Variants in CELF2 observed in about 807,000 individuals in gnomAD.
CELF2 encodes the protein CUGBP Elav-like family member 2.
In CELF2, 8 loss-of-function variants were observed where a neutral mutation model predicts 62.6. The observed-to-expected ratio is 0.13, with a 90% CI of 0.07 to 0.23. CELF2 has a LOEUF of 0.23. CELF2 is among the 10% of genes least tolerant of loss of function. The pLI is 1.00. For missense variants in CELF2, 333 were observed against 671.0 expected (o/e 0.50, Z 5.56); for synonymous variants, 258 against 250.0 (o/e 1.03, Z -0.30).
the CELF2 span, among the ~76,000 whole-genome samples, chr10:10,547,692 A>AGAGAGAGTGTGTGTGT: frequency 3.1e-4 from 43 of 138,110 alleles, no homozygotes; most frequent in South Asian, 2.5e-4. Context: ...AGAGAGAGAG[A>AGAGAGAGTGTGTGTGT]GTGTGTGTGT....
chr10:10,908,214 A>ATCTT (rs1055620339), intron 1 of CELF2, among the ~76,000 whole-genome samples: 7 of 83,734 alleles, frequency 8.4e-5, no homozygotes, highest in African/African-American at 3.4e-4. Context: ...GTATGAGGGG[A>ATCTT]TTTTTTTTTT....
intron 1 of CELF2, among the ~76,000 whole-genome samples, chr10:11,061,098 C>T (rs756578057): frequency 1.8e-4 from 27 of 152,186 alleles, no homozygotes; most frequent in African/African-American, 4.8e-4. Flanking sequence ...AGCTGAGAAA[C>T]GCTGAAAGCT....
chr10:10,623,383 G>A, the CELF2 span, among the ~76,000 whole-genome samples: 1 of 152,136 alleles, frequency 6.6e-6, no homozygotes, highest in Non-Finnish European at 1.5e-5. Flanking sequence ...AATTTACTCC[G>A]AATTACCTCT....
chr10:10,503,874 A>G, the CELF2 span, among the ~76,000 whole-genome samples: 27 of 152,078 alleles, frequency 1.8e-4, no homozygotes, highest in African/African-American at 5.8e-4. Flanking sequence ...GTTTATCTAT[A>G]GCATTTTCAA....
chr10:11,058,461 G>GTTTTTTTTTTTTTTTTTTTTT (rs67113152), intron 1 of CELF2, among the ~76,000 whole-genome samples: 1 of 116,806 alleles, frequency 8.6e-6, no homozygotes, highest in African/African-American at 3.2e-5. Context: ...TTTTTTGTTG[G>GTTTTTTTTTTTTTTTTTTTTT]TTTTTTTTTT....
At chr10:10,770,352 A>G in the CELF2 span, among the ~76,000 whole-genome samples, 2 of 151,982 alleles carry the variant, frequency 1.3e-5, no homozygotes, top group African/African-American at 4.8e-5. Flanking sequence ...TCAATCAATC[A>G]AACAGCCAGC....
chr10:10,764,908 C>A, the CELF2 span, among the ~76,000 whole-genome samples: 1 of 152,192 alleles, frequency 6.6e-6, no homozygotes, highest in Non-Finnish European at 1.5e-5. Flanking sequence ...CTGCCTTGGC[C>A]AGGCTCCCCA....
chr10:11,305,464 G>A lies in CELF2; in HGVS notation c.977-8675G>A, dbSNP rs1412890176. Among the ~76,000 whole-genome samples, 4 of 152,228 alleles carry A rather than the reference G, an allele frequency of 2.6e-5. No individual in the cohort carries two copies. In the East Asian group the frequency reaches 5.8e-4, roughly 22 times the overall value. ...TCTTTCAAGCGCAGGAAAGACTCCA[G>A]TCTAGTTCACAGTTTGCCTGGGAGG... On this transcript the variant is annotated intron_variant, in intron 9 of 12. Transcript: ENST00000633077. This position sits in a 1 kb window ranked among gnomAD's most constrained non-coding sequence, Gnocchi z 4.8.
the CELF2 span, among the ~76,000 whole-genome samples, chr10:10,463,519 A>G: frequency 6.6e-6 from 1 of 152,210 alleles, no homozygotes; most frequent in African/African-American, 2.4e-5. Context: ...CATGTGAAAA[A>G]TGCAACTCTG....
rs1020632872 is a variant in CELF2, at chr10:11,280,767, G to GTGCCCTCAC, written c.841+5655_841+5663dup. On this transcript the variant is annotated intron_variant, in intron 8 of 12. Transcript: ENST00000633077. This position sits in a 1 kb window ranked among gnomAD's most constrained non-coding sequence, Gnocchi z 7.6. The stretch of plus-strand genomic sequence containing the variant: ...GAGGCCGCTCTGGGTGGGGGAAACG[G>GTGCCCTCAC]TGCCCTCACTGCCCTCCAGCCTCAG... Among the ~76,000 whole-genome samples the GTGCCCTCAC allele has an allele frequency of 3.9e-5, 6 of 152,142 alleles. No individual in the cohort carries two copies. Among genetic ancestry groups the GTGCCCTCAC allele is most frequent in the Non-Finnish European group, 8.8e-5 (6 of 68,022 alleles).
chr10:10,817,978 G>A lies in CELF2; in HGVS notation c.53+19161G>A, dbSNP rs537801344. 3.9e-5 allele frequency among the ~76,000 whole-genome samples: 6 copies of A among 152,258 alleles called. No individual in the cohort carries two copies. In the East Asian group the frequency reaches 1.2e-3, roughly 29 times the overall value. ...GACCTTAGGTAAGTATTGAATCTCT[G>A]AGGTAGCCGACCTTACAAAGCACCT... On this transcript the variant is annotated intron_variant, in intron 1 of 13. Coordinates refer to the CELF2 transcript ENST00000636488.
Position 11,083,093 on chromosome 10 carries a change from G to A in CELF2, c.74+64930G>A, listed in dbSNP as rs188045291. 1.2e-3 allele frequency among the ~76,000 whole-genome samples: 186 copies of A among 152,336 alleles called. 1 individual carries two copies. The highest frequency in any genetic ancestry group is 4.3e-3 in the African/African-American group (177 of 41,568). The stretch of plus-strand genomic sequence containing the variant: ...CCTGGGTCCCATCCCAGGACACAGT[G>A]CATCCTTCGGTTGTGATTGTTATCT... On this transcript the variant is annotated intron_variant, in intron 1 of 12. Transcript: ENST00000633077.
intron 1 of CELF2, among the ~76,000 whole-genome samples, chr10:11,073,100 A>C (rs2070680744): frequency 6.6e-6 from 1 of 152,160 alleles, no homozygotes; most frequent in Non-Finnish European, 1.5e-5. Context: ...ATTATACCAA[A>C]ATATTAACAT....
At chr10:11,312,706 C>T (rs764908202) in intron 9 of CELF2, among the ~76,000 whole-genome samples, 6 of 152,260 alleles carry the variant, frequency 3.9e-5, no homozygotes, top group South Asian at 2.1e-4. Flanking sequence ...GAGGCCGAGG[C>T]GGGCGGATCA....
chr10:11,066,570 T>TC (rs1270683100), intron 1 of CELF2, among the ~76,000 whole-genome samples: 1 of 152,090 alleles, frequency 6.6e-6, no homozygotes, highest in Admixed American at 6.5e-5. Context: ...CCCTAAGATT[T>TC]CCCCAGACCC....
At chr10:11,035,670 A>C (rs1195502924) in intron 1 of CELF2, among the ~76,000 whole-genome samples, 2 of 152,186 alleles carry the variant, frequency 1.3e-5, no homozygotes, top group African/African-American at 4.8e-5. Context: ...ACCGTGCTGG[A>C]ATTTCAGAGG....
At chr10:10,554,661 C>A in the CELF2 span, among the ~76,000 whole-genome samples, 71 of 152,210 alleles carry the variant, frequency 4.7e-4, 1 homozygote, top group Middle Eastern at 3.4e-3. Flanking sequence ...CCCAGTGGTC[C>A]CTCCATCCTT....
chr10:10,922,354 G>A (rs1238276548), intron 2 of CELF2, among the ~76,000 whole-genome samples: 1 of 152,190 alleles, frequency 6.6e-6, no homozygotes, highest in Admixed American at 6.5e-5. Context: ...ATTGTTGTGT[G>A]TCTACCCACG....
chr10:11,031,107 T>A (rs1425390490), intron 1 of CELF2, among the ~76,000 whole-genome samples: 1 of 152,234 alleles, frequency 6.6e-6, no homozygotes, highest in Non-Finnish European at 1.5e-5. Flanking sequence ...GACGAATGCT[T>A]GGCCTTCTCA....
Sources: allele counts gnomAD v4.1 joint callset (sites outside exome capture counted in the v4.1 genomes callset), GRCh38; gene constraint gnomAD v4.1.1; non-coding constraint Gnocchi (gnomAD v3.1); transcripts MANE v1.5; gene names NCBI Gene and HGNC (gene_info 2026-07-23, HGNC 2026-07-21).